CA10: variants seen among roughly 807,000 people sequenced by gnomAD.
The protein encoded by CA10 is carbonic anhydrase-related protein 10.
CA10 carries 14 observed loss-of-function variants against 44.2 expected under a neutral mutation model. The observed-to-expected ratio is 0.32, with a 90% CI of 0.21 to 0.50. The LOEUF is 0.50. Ranked by LOEUF, CA10 falls within the 20% of genes least tolerant of loss-of-function variation. CA10 has a pLI of 0.99. For missense variants in CA10, 350 were observed against 409.7 expected (o/e 0.85, Z 1.26); for synonymous variants, 159 against 141.6 (o/e 1.12, Z -0.87).
intron 2 of CA10, among the ~76,000 whole-genome samples, chr17:52,009,892 C>A (rs1728071547): frequency 6.6e-6 from 1 of 151,720 alleles, no homozygotes; most frequent in Admixed American, 6.6e-5. Flanking sequence ...AAAAAGAACT[C>A]AAATCAGCAA....
chr17:52,086,656 A>C (rs966284839), intron 1 of CA10, among the ~76,000 whole-genome samples: 4 of 152,166 alleles, frequency 2.6e-5, no homozygotes, highest in Non-Finnish European at 4.4e-5. Context: ...CACTGAAGAG[A>C]ATTTGAAAGT....
intron 2 of CA10, among the ~76,000 whole-genome samples, chr17:51,947,686 T>C (rs1983336168): frequency 6.6e-6 from 1 of 152,154 alleles, no homozygotes; most frequent in Non-Finnish European, 1.5e-5. Flanking sequence ...TTCTGCTCTT[T>C]CTTTCAAGCC....
intron 4 of CA10, among the ~76,000 whole-genome samples, chr17:51,729,744 T>C (rs1916652563): frequency 6.6e-6 from 1 of 152,230 alleles, no homozygotes; most frequent in Non-Finnish European, 1.5e-5. Context: ...TGATATCATA[T>C]AGTTTCTACT....
intron 2 of CA10, among the ~76,000 whole-genome samples, chr17:51,986,067 A>G (rs1449561430): frequency 6.6e-6 from 1 of 152,070 alleles, no homozygotes; most frequent in Non-Finnish European, 1.5e-5. Context: ...AAAAAAGAAC[A>G]AATATGGAGG....
intron 1 of CA10, among the ~76,000 whole-genome samples, chr17:52,154,264 G>A (rs1296805036): frequency 6.6e-6 from 1 of 152,138 alleles, no homozygotes; most frequent in African/African-American, 2.4e-5. Flanking sequence ...ACCTGGATGT[G>A]AAACCTCTAG....
intron 4 of CA10, among the ~76,000 whole-genome samples, chr17:51,694,702 G>A (rs1175712103): frequency 6.6e-6 from 1 of 152,046 alleles, no homozygotes; most frequent in Non-Finnish European, 1.5e-5. Flanking sequence ...AATTGCTTTT[G>A]AGGACTTATT....
chr17:51,698,206 G>A (rs538613146), intron 4 of CA10, among the ~76,000 whole-genome samples: 33 of 152,130 alleles, frequency 2.2e-4, no homozygotes, highest in Non-Finnish European at 4.1e-4. Flanking sequence ...GATTGCTGTC[G>A]CTATGTTCTC....
chr17:51,633,621 G>A lies in CA10; in HGVS notation c.819C>T (p.Asn273=). The change falls in exon 8 of 9, where the codon AAC becomes AAT. Residue 273 remains asparagine, a synonymous_variant. Coordinates refer to ENST00000451037, the MANE Select transcript of CA10 (RefSeq NM_020178.5). ...QMHSLRLLSQ[N]QPSQIFLSMS... is the part of the protein sequence containing the mutation. ...TGCTCAGAAAGATCTGAGATGGCTG[G>A]TTCTGGCTGAGCAGGCGCAAGGAAT... The A allele has an allele frequency of 6.2e-7, 1 of 1,613,886 alleles. No homozygotes were observed. Among genetic ancestry groups the A allele is most frequent in the Non-Finnish European group, 8.5e-7 (1 of 1,179,870 alleles).
At chr17:51,793,524 C>G (rs942255055) in intron 3 of CA10, among the ~76,000 whole-genome samples, 1 of 152,224 alleles carries the variant, frequency 6.6e-6, no homozygotes. Flanking sequence ...GGATACCCCA[C>G]AGAAACCAGG....
At chr17:52,044,525 G>T (rs1001433458) in intron 2 of CA10, among the ~76,000 whole-genome samples, 1 of 151,764 alleles carries the variant, frequency 6.6e-6, no homozygotes, top group Non-Finnish European at 1.5e-5. Context: ...GCTGGTCTCG[G>T]ACTCCTGAGC....
chr17:52,024,463 G>A lies in CA10; in HGVS notation c.136+47856C>T, dbSNP rs892123619. ...GGCAATGTGACCTCACTATAAACCCGTGCATGCTTGAGGGGCTGCCAAATC... is the reference window on the plus strand; with the variant it reads ...GGCAATGTGACCTCACTATAAACCCATGCATGCTTGAGGGGCTGCCAAATC... On this transcript the variant is annotated intron_variant, in intron 2 of 8. Transcript: ENST00000451037. Among the ~76,000 whole-genome samples, 7 of 151,536 alleles carry A rather than the reference G, an allele frequency of 4.6e-5. No homozygotes were observed. The East Asian group carries it at 9.7e-4, about 21-fold the overall frequency.
intron 2 of CA10, among the ~76,000 whole-genome samples, chr17:51,993,368 C>T (rs146966327): frequency 2.4e-3 from 365 of 152,218 alleles, no homozygotes; most frequent in South Asian, 5.6e-3. Flanking sequence ...GAATGTTATA[C>T]GGACCTCTTC....
chr17:51,683,896 C>T (rs1010054985), intron 4 of CA10, among the ~76,000 whole-genome samples: 1 of 152,208 alleles, frequency 6.6e-6, no homozygotes, highest in Non-Finnish European at 1.5e-5. Flanking sequence ...TCTCTAGTGA[C>T]TGAGACTGTC....
At chr17:51,882,977 GA>G (rs1232327244) in intron 3 of CA10, among the ~76,000 whole-genome samples, 2 of 152,164 alleles carry the variant, frequency 1.3e-5, no homozygotes, top group Non-Finnish European at 2.9e-5. Flanking sequence ...GGTACTGGTG[GA>G]AAATTTTGTT....
Position 51,825,571 on chromosome 17 carries a change from C to T in CA10, c.280-77753G>A, listed in dbSNP as rs554807789. On this transcript the variant is annotated intron_variant, in intron 3 of 8. Transcript: ENST00000451037. ...CACGGACTTAACCCAGTTAGTCTGA[C>T]TTCAGAATTCCATCTTTTGAACCAG... Among the ~76,000 whole-genome samples, 85 of 152,322 alleles carry T rather than the reference C, an allele frequency of 5.6e-4. No individual in the cohort carries two copies. In the South Asian group the frequency reaches 0.017, roughly 31 times the overall value.
intron 3 of CA10, among the ~76,000 whole-genome samples, chr17:51,816,887 T>C (rs866021342): frequency 3.3e-5 from 5 of 152,324 alleles, no homozygotes; most frequent in Middle Eastern, 6.8e-3. Context: ...AGGAGCTTGG[T>C]TCCTGGATGA....
intron 2 of CA10, among the ~76,000 whole-genome samples, chr17:52,012,833 A>C (rs1598165915): frequency 6.6e-6 from 1 of 152,178 alleles, no homozygotes; most frequent in South Asian, 2.1e-4. Flanking sequence ...TTATAAAAAA[A>C]AAAATGTCCT....
At chr17:52,074,922 A>G (rs1302430702) in intron 1 of CA10, among the ~76,000 whole-genome samples, 1 of 152,160 alleles carries the variant, frequency 6.6e-6, no homozygotes, top group African/African-American at 2.4e-5. Context: ...TTAAAATTAT[A>G]TTACATTCAA....
chr17:52,149,972 A>G (rs1034112517), intron 1 of CA10, among the ~76,000 whole-genome samples: 1 of 152,184 alleles, frequency 6.6e-6, no homozygotes, highest in Non-Finnish European at 1.5e-5. Flanking sequence ...TTTTACTGAC[A>G]TTATTATATG....
Sources: allele counts gnomAD v4.1 joint callset (sites outside exome capture counted in the v4.1 genomes callset), GRCh38; gene constraint gnomAD v4.1.1; transcripts MANE v1.5; gene names NCBI Gene and HGNC (gene_info 2026-07-23, HGNC 2026-07-21).